SGMS1: variants seen among roughly 807,000 people sequenced by gnomAD.
SGMS1 encodes the protein phosphatidylcholine:ceramide cholinephosphotransferase 1.
Under a neutral mutation model 46.2 loss-of-function variants are expected in SGMS1, and 13 were observed. The observed-to-expected ratio is 0.28, with a 90% CI of 0.18 to 0.45. SGMS1 has a LOEUF of 0.45. Among genes scored for constraint, SGMS1 ranks in the 20% least tolerant of loss-of-function variants. SGMS1 has a pLI of 1.00. For missense variants in SGMS1, 324 were observed against 519.9 expected, an observed-to-expected ratio of 0.62 and a Z score of 3.66; for synonymous variants, 203 against 187.8, an observed-to-expected ratio of 1.08 and a Z score of -0.66.
At chr10:50,476,142 C>T (rs1035836001) in intron 3 of SGMS1, among the ~76,000 whole-genome samples, 11 of 135,882 alleles carry the variant, frequency 8.1e-5, no homozygotes, top group Admixed American at 3.9e-4. Flanking sequence ...GGCATGGTGG[C>T]GTGTGCCTAT....
rs541482478 is a variant in SGMS1, at chr10:50,322,146, A to G, written c.741+5059T>C. ...AAAACAAAACAAAACATGTTTTTCA[A>G]GTTCAAGAGAATCATTTCACTGAAA... is the stretch of plus-strand genomic sequence containing the variant. On this transcript the variant is annotated intron_variant, in intron 8 of 10. Transcript: ENST00000361781. 2.6e-5 allele frequency among the ~76,000 whole-genome samples: 4 copies of G among 152,334 alleles called. No individual in the cohort carries two copies. The East Asian group carries it at 7.7e-4, about 29-fold the overall frequency.
intron 3 of SGMS1, among the ~76,000 whole-genome samples, chr10:50,518,057 A>G (rs1268030975): frequency 6.6e-6 from 1 of 152,228 alleles, no homozygotes; most frequent in Non-Finnish European, 1.5e-5. Flanking sequence ...ATAAGAAATG[A>G]TAAGCATGTA....
At chr10:50,580,776 G>T (rs1439692936) in intron 2 of SGMS1, among the ~76,000 whole-genome samples, 1 of 152,186 alleles carries the variant, frequency 6.6e-6, no homozygotes, top group African/African-American at 2.4e-5. Flanking sequence ...AAGGGGAGTT[G>T]TTTAATGGGT....
intron 3 of SGMS1, among the ~76,000 whole-genome samples, chr10:50,491,512 T>A (rs181304863): frequency 6.6e-6 from 1 of 152,186 alleles, no homozygotes; most frequent in Non-Finnish European, 1.5e-5. Flanking sequence ...TGAGTTTTAA[T>A]AGGACACTGA....
At chr10:50,444,612 TGA>T (rs551771919) in intron 5 of SGMS1, among the ~76,000 whole-genome samples, 163 of 152,160 alleles carry the variant, frequency 1.1e-3, no homozygotes, top group African/African-American at 3.8e-3. Flanking sequence ...TACTTAGAGC[TGA>T]GAGTGGTTGC....
In SGMS1 at chr10:50,343,804, G is replaced by C. The variant is rs201243230; in HGVS notation, c.311C>G (p.Pro104Arg). Residue 104 changes from proline (P) to arginine (R), a missense_variant, in exon 7 of 11, where the codon CCC (proline) becomes CGC (arginine). Transcript: ENST00000361781. ...CCTATACCCATTTGGCATCCCGTTG[G>C]GTTTAATCTTGATGCTGAAGCTGCC... ...PDGSFSIKIKPNGMPNGYRKE... is the reference protein window; with the variant it reads ...PDGSFSIKIKRNGMPNGYRKE... The C allele has an allele frequency of 1.4e-4, 218 of 1,614,016 alleles. No individual in the cohort carries two copies. The highest frequency in any genetic ancestry group is 1.6e-4 in the Middle Eastern group (1 of 6,082).
intron 8 of SGMS1, among the ~76,000 whole-genome samples, chr10:50,313,387 A>G (rs569243453): frequency 3.3e-5 from 5 of 152,328 alleles, no homozygotes; most frequent in Non-Finnish European, 7.3e-5. Flanking sequence ...AAATCTAAAA[A>G]AAAGAGTGAA....
chr10:50,559,578 G>C (rs1163161548), intron 2 of SGMS1, among the ~76,000 whole-genome samples: 1 of 152,184 alleles, frequency 6.6e-6, no homozygotes, highest in Non-Finnish European at 1.5e-5. Context: ...AACTTCTCCA[G>C]GGTCACGCAG....
At chr10:50,516,918 CA>C (rs1313132239) in intron 3 of SGMS1, among the ~76,000 whole-genome samples, 1 of 152,114 alleles carries the variant, frequency 6.6e-6, no homozygotes, top group East Asian at 1.9e-4. Flanking sequence ...TGTTCCTGAG[CA>C]AAGAACACTC....
At chr10:50,341,216 CCTT>C (rs1847815969) in intron 7 of SGMS1, 1 of 399,272 alleles carries the variant, frequency 2.5e-6, no homozygotes, top group South Asian at 1.8e-5. Context: ...AAGATTTTAA[CCTT>C]CTCTATGAGA....
At chr10:50,351,029 G>A (rs1032748336) in intron 6 of SGMS1, among the ~76,000 whole-genome samples, 16 of 152,290 alleles carry the variant, frequency 1.1e-4, no homozygotes, top group South Asian at 6.2e-4. Context: ...GAAATCAGCC[G>A]GGAGGGAGGC....
intron 4 of SGMS1, among the ~76,000 whole-genome samples, chr10:50,464,553 C>G (rs957301405): frequency 2.6e-5 from 4 of 152,230 alleles, no homozygotes. Flanking sequence ...ATGCCTCAGC[C>G]TCCTGAGTAG....
intron 6 of SGMS1, among the ~76,000 whole-genome samples, chr10:50,372,463 G>C (rs946749473): frequency 6.6e-6 from 1 of 152,188 alleles, no homozygotes; most frequent in African/African-American, 2.4e-5. Context: ...GGGAGGCCGG[G>C]GAGGGTGGAT....
intron 3 of SGMS1, among the ~76,000 whole-genome samples, chr10:50,477,529 G>A (rs59322641): frequency 0.064 from 9,754 of 152,198 alleles, 1,059 homozygotes; most frequent in African/African-American, 0.22. Flanking sequence ...GGGCATGATC[G>A]TGTTTTGAAA....
intron 5 of SGMS1, among the ~76,000 whole-genome samples, chr10:50,441,452 A>G (rs1446671699): frequency 6.6e-6 from 1 of 152,242 alleles, no homozygotes; most frequent in Non-Finnish European, 1.5e-5. Flanking sequence ...GCCAAACTCT[A>G]ACACAAATAA....
At chr10:50,551,593 T>G (rs1403760490) in intron 2 of SGMS1, among the ~76,000 whole-genome samples, 1 of 152,074 alleles carries the variant, frequency 6.6e-6, no homozygotes, top group African/African-American at 2.4e-5. Context: ...ATATAAGATA[T>G]TAGCAGTAGG....
Position 50,308,100 on chromosome 10 carries a change from C to T in SGMS1, c.944G>A (p.Ser315Asn), listed in dbSNP as rs1440232361. The change falls in exon 10 of 11, where the codon AGC becomes AAC. Residue 315 changes from serine to asparagine, a missense_variant. Around this residue, in one of 2 missense-constraint regions of SGMS1, gnomAD observed 174 missense variants for 350.1 expected, o/e 0.50. Transcript: ENST00000361781. ...WWYHWICWLL[S>N]VVGIFCILLA... is the part of the protein sequence containing the mutation. Reference sequence around the variant, plus strand: ...GAGAATACAGAAGATTCCAACTACGCTGAGAAGCCAGCAAATCCAGTGATA... The same window carrying T: ...GAGAATACAGAAGATTCCAACTACGTTGAGAAGCCAGCAAATCCAGTGATA... 1 of 1,613,986 alleles carries T rather than the reference C, an allele frequency of 6.2e-7. No homozygotes were observed. Among genetic ancestry groups the T allele is most frequent in the South Asian group, 1.1e-5 (1 of 91,074 alleles).
intron 3 of SGMS1, among the ~76,000 whole-genome samples, chr10:50,492,433 C>A (rs541987333): frequency 5.8e-4 from 89 of 152,302 alleles, no homozygotes; most frequent in Admixed American, 1.2e-3. Context: ...AAAGCTTAAG[C>A]TGATAAACAA....
At chr10:50,359,214 T>C (rs1848206209) in intron 6 of SGMS1, among the ~76,000 whole-genome samples, 1 of 152,222 alleles carries the variant, frequency 6.6e-6, no homozygotes, top group South Asian at 2.1e-4. Context: ...CTTTAGGCTG[T>C]TAGAAGAGCC....
Sources: allele counts gnomAD v4.1 joint callset (sites outside exome capture counted in the v4.1 genomes callset), GRCh38; gene constraint gnomAD v4.1.1; regional missense constraint gnomAD v4.1.1; transcripts MANE v1.5; gene names NCBI Gene and HGNC (gene_info 2026-07-23, HGNC 2026-07-21).